The following TNNT2 variants were observed in gnomAD, a reference collection of about 807,000 sequenced individuals.
TNNT2 encodes the protein troponin T2, cardiac type.
TNNT2 carries 34 observed loss-of-function variants against 62.4 expected under a neutral mutation model. That is an observed-to-expected ratio of 0.54 (90% CI 0.41 to 0.72). TNNT2 has a LOEUF of 0.72. Ranked by LOEUF, TNNT2 falls within the 30% of genes least tolerant of loss-of-function variation. The pLI is 0.00. For synonymous variants in TNNT2, 123 were observed against 127.2 expected (o/e 0.97, Z 0.22); for missense variants, 275 against 381.9 (o/e 0.72, Z 2.33).
chr1:201,360,518 C>T (rs955275126), intron 15 of TNNT2: 9 of 153,146 alleles, frequency 5.9e-5, no homozygotes, highest in Non-Finnish European at 1.3e-4. Flanking sequence ...GCTCCAAAGT[C>T]CATGCCACTG....
At chr1:201,363,782 C>G (rs532344590) in intron 11 of TNNT2, 1 of 324,512 alleles carries the variant, frequency 3.1e-6, no homozygotes, top group Non-Finnish European at 5.8e-6. Context: ...TAAAATAACA[C>G]GTTCATAAGG....
intron 5 of TNNT2, chr1:201,369,417 C>A (rs1035921661): frequency 4.2e-6 from 2 of 477,578 alleles, no homozygotes; most frequent in African/African-American, 4.0e-5. Flanking sequence ...CCTGGCCACC[C>A]TGCTTGGTGC....
At chr1:201,362,418 G>C (rs1396903174) in intron 12 of TNNT2, 24 bp from the exon 13 acceptor site, 2 of 1,613,498 alleles carry the variant, frequency 1.2e-6, no homozygotes, top group Non-Finnish European at 1.7e-6. Flanking sequence ...CCATGAGAGA[G>C]AGGCCCATAG....
rs1659901130 is a variant in TNNT2 at position 201,367,678 on chromosome 1, A to T, written c.199+93T>A. 1.7e-5 allele frequency: 24 copies of T among 1,389,378 alleles called. No homozygotes were observed. In the South Asian group the frequency reaches 2.7e-4, roughly 15 times the overall value. 86.1% of individuals were successfully genotyped at this position (1,389,378 alleles called of 1,614,324 possible). A position where few individuals can be genotyped will look rare whatever the true frequency, so the allele number is the denominator to read the frequency against. ...TCCCAAACCCTCTCAGTGCACATCC[A>T]CTTCCCTGGAAAGAGCACTGTGGGC... is the stretch of plus-strand genomic sequence containing the variant. On this transcript the variant is annotated intron_variant, in intron 7 of 16. Transcript: ENST00000656932.
rs45578238 is a variant in TNNT2, at chr1:201,361,970, ATCT to A, written c.659_661del (p.Lys220del). ...CAGCACCTTCCTCCTCTCAGCCAGAATCTTCTTCTTCTTTTCCCGCTCAGTCTG... is the reference window on the plus strand; with the variant it reads ...CAGCACCTTCCTCCTCTCAGCCAGAATCTTCTTCTTTTCCCGCTCAGTCTG... On this transcript the variant is annotated inframe_deletion, in exon 14 of 17. Transcript: ENST00000656932. The A allele has an allele frequency of 2.5e-6, 4 of 1,614,108 alleles. No homozygotes were observed. Among genetic ancestry groups the A allele is most frequent in the Non-Finnish European group, 3.4e-6 (4 of 1,180,006 alleles).
chr1:201,365,009 C>T (rs536036544), intron 10 of TNNT2, among the ~76,000 whole-genome samples, 182 bp downstream of exon 10: 114 of 152,102 alleles, frequency 7.5e-4, no homozygotes, highest in African/African-American at 2.5e-3. Flanking sequence ...GGCAGGGACC[C>T]GAGAAACCAG....
intron 4 of TNNT2, among the ~76,000 whole-genome samples, chr1:201,371,781 T>A (rs577954459): frequency 1.4e-4 from 22 of 152,154 alleles, no homozygotes; most frequent in Admixed American, 2.6e-4. Flanking sequence ...GCAAAAAAAA[T>A]TGGGAAAAGT....
At chr1:201,365,563 G>A in intron 9 of TNNT2, 47 bp downstream of exon 9, 1 of 1,594,344 alleles carries the variant, frequency 6.3e-7, no homozygotes, top group African/African-American at 1.3e-5. Context: ...GAGGGCCCTT[G>A]GGACTATCCC....
chr1:201,376,137 C>T (rs1661367924), intron 1 of TNNT2, among the ~76,000 whole-genome samples: 1 of 152,218 alleles, frequency 6.6e-6, no homozygotes. Flanking sequence ...CACCCACTTC[C>T]ACAGGCAGCT....
rs386352374 is a variant in TNNT2, at chr1:201,365,659, G to C, written c.245C>G (p.Pro82Arg). ...GGGGATCTTGGGAGGCACCAAGTTG[G>C]GCATGAACGACCTGTTGGAGAGAGG... ...ESKPKPRSFM[P>R]NLVPPKIPDG... Residue 82 changes from proline (P) to arginine (R), a missense_variant, in exon 9 of 17, where the codon CCC becomes CGC. By Grantham distance (103) the Pro-to-Arg change is moderately radical. Transcript: ENST00000656932. 6.2e-7 allele frequency: 1 copy of C among 1,613,904 alleles called. No homozygotes were observed. Among genetic ancestry groups the C allele is most frequent in the Middle Eastern group, 1.7e-4 (1 of 6,060 alleles).
chr1:201,374,700 A>C (rs1375391638), intron 1 of TNNT2: 1 of 152,220 alleles, frequency 6.6e-6, no homozygotes, highest in African/African-American at 2.4e-5. Context: ...AGGTGTGAGG[A>C]ACAGAGGTAG....
Position 201,369,271 on chromosome 1 carries a change from C to T in TNNT2, c.97+545G>A. ...TTTCTAAAATTAAGCCCTGGTCTCA[C>T]TCCCTTGCCTTGGTCCTGTGCTCCC... On this transcript the variant is annotated intron_variant, in intron 5 of 16. Transcript: ENST00000656932. 6.4e-6 allele frequency: 3 copies of T among 472,276 alleles called. No individual in the cohort carries two copies. In the Admixed American group the frequency reaches 7.0e-5, roughly 11 times the overall value. The allele number at this position is 472,276 out of a possible 1,614,324, so 29.3% of individuals were successfully genotyped here. A position where few individuals can be genotyped will look rare whatever the true frequency, so the allele number is the denominator to read the frequency against.
In TNNT2 at chr1:201,368,201, C is replaced by A; in HGVS notation, c.124G>T (p.Ala42Ser). 1 of 1,614,134 alleles carries A rather than the reference C, an allele frequency of 6.2e-7. No individual in the cohort carries two copies. Among genetic ancestry groups the A allele is most frequent in the Non-Finnish European group, 8.5e-7 (1 of 1,180,016 alleles). Reference sequence around the variant, plus strand: ...TCCTCGGTCTCAGCCTCTGCTTCAGCATCCTCTTCCGCTGCCTCCTCCTGC... The same window carrying A: ...TCCTCGGTCTCAGCCTCTGCTTCAGAATCCTCTTCCGCTGCCTCCTCCTGC... ...DEQEEAAEED[A>S]EAEAETEETR... Residue 42 changes from alanine (A) to serine (S), a missense_variant, in exon 6 of 17, where the codon GCT becomes TCT. Coordinates refer to ENST00000656932, the MANE Select transcript of TNNT2 (RefSeq NM_001276345.2).
At chr1:201,362,064 C>T (rs749989173) in intron 13 of TNNT2, 42 bp from the exon 14 acceptor site, 4 of 1,602,790 alleles carry the variant, frequency 2.5e-6, no homozygotes, top group Admixed American at 3.3e-5. Context: ...CAGATTGCCC[C>T]CTCCCTGTCC....
chr1:201,368,263 C>T (rs777894361), intron 5 of TNNT2, 36 bp from the exon 6 acceptor site: 2 of 1,608,148 alleles, frequency 1.2e-6, no homozygotes, highest in East Asian at 2.2e-5. Context: ...AAGAAGCAGG[C>T]CCCACTCATG....
At position 201,363,349 on chromosome 1, in the gene TNNT2, G is replaced by A. The variant is rs727503512; in HGVS notation, c.547C>T (p.Arg183Trp). The A allele has an allele frequency of 2.5e-6, 4 of 1,614,088 alleles. No homozygotes were observed. The highest frequency in any genetic ancestry group is 1.1e-5 in the South Asian group (1 of 91,068). The change falls in exon 12 of 17, where the codon CGG (arginine) becomes TGG (tryptophan). Residue 183 changes from arginine to tryptophan, a missense_variant. By Grantham distance (101) the Arg-to-Trp change is moderately radical. Transcript: ENST00000656932. ...ENRRKAEDEA[R>W]KKKALSNMMH... Reference sequence around the variant, plus strand: ...ATGTTGGACAAAGCCTTCTTCTTCCGGGCCTCATCCTCAGCCTTCCTCCTG... The same window carrying A: ...ATGTTGGACAAAGCCTTCTTCTTCCAGGCCTCATCCTCAGCCTTCCTCCTG...
chr1:201,373,507 C>A, intron 1 of TNNT2: 1 of 569,306 alleles, frequency 1.8e-6, no homozygotes, highest in Non-Finnish European at 3.2e-6. Context: ...CCTGAACAGG[C>A]AATACTGCCT....
chr1:201,369,480 C>T, intron 5 of TNNT2: 1 of 494,668 alleles, frequency 2.0e-6, no homozygotes, highest in Non-Finnish European at 4.1e-6. Flanking sequence ...TGCGCGGGGG[C>T]AGGGTGGCGC....
At chr1:201,365,700 C>G in intron 8 of TNNT2, 30 bp from the exon 9 acceptor site, 3 of 1,611,818 alleles carry the variant, frequency 1.9e-6, no homozygotes, top group Non-Finnish European at 2.5e-6. Context: ...TCAGCATCAG[C>G]CCCATTCTGG....
Sources: allele counts gnomAD v4.1 joint callset (sites outside exome capture counted in the v4.1 genomes callset), GRCh38; gene constraint gnomAD v4.1.1; transcripts MANE v1.5; gene names NCBI Gene and HGNC (gene_info 2026-07-23, HGNC 2026-07-21).